Variants in ZNF804B observed in about 807,000 individuals in gnomAD.
ZNF804B encodes zinc finger protein 804B, also known as zinc finger 804B.
In ZNF804B, 80 loss-of-function variants were observed where a neutral mutation model predicts 101.4. That is an observed-to-expected ratio of 0.79 (90% CI 0.66 to 0.95). The LOEUF is 0.95. ZNF804B is among the 40% of genes least tolerant of loss of function. ZNF804B has a pLI of 0.00. For missense variants in ZNF804B, 1,673 were observed against 1,561.9 expected, an observed-to-expected ratio of 1.07 and a Z score of -1.20; for synonymous variants, 622 against 558.8, an observed-to-expected ratio of 1.11 and a Z score of -1.59.
At position 89,336,781 on chromosome 7, in the gene ZNF804B, C is replaced by A; in HGVS notation, c.3799C>A (p.Pro1267Thr). The change falls in exon 4 of 4, where the codon CCC becomes ACC. Residue 1267 changes from proline to threonine, a missense_variant. Physicochemically the swap from Pro to Thr is conservative, Grantham distance 38 (BLOSUM62 -1). Transcript: ENST00000333190. ...ACACCCCACTTTCTTAGCAGGTCAT[C>A]CCCTGCATTTAGTAGCTGCTACCCC... ...PAHPTFLAGH[P>T]LHLVAATPFH... The A allele has an allele frequency of 6.2e-7, 1 of 1,614,052 alleles. No homozygotes were observed. Among genetic ancestry groups the A allele is most frequent in the Non-Finnish European group, 8.5e-7 (1 of 1,180,008 alleles).
intron 1 of ZNF804B, among the ~76,000 whole-genome samples, chr7:89,170,540 T>A (rs933553058): frequency 4.6e-5 from 7 of 152,158 alleles, no homozygotes; most frequent in Non-Finnish European, 1.0e-4. Flanking sequence ...TAGGGAGAAG[T>A]ATTGGACAGT....
intron 1 of ZNF804B, among the ~76,000 whole-genome samples, chr7:88,958,868 T>C (rs1472182482): frequency 9.9e-5 from 15 of 151,494 alleles, no homozygotes. Flanking sequence ...ATCTAAAAAC[T>C]GGAGAGGTGG....
chr7:88,828,744 A>C (rs983463806), intron 1 of ZNF804B, among the ~76,000 whole-genome samples: 10 of 152,132 alleles, frequency 6.6e-5, no homozygotes, highest in African/African-American at 2.4e-4. Flanking sequence ...TTACAAAGTG[A>C]GACAGTTTTG....
At chr7:89,124,341 T>C (rs1346248261) in intron 1 of ZNF804B, among the ~76,000 whole-genome samples, 2 of 152,134 alleles carry the variant, frequency 1.3e-5, no homozygotes, top group African/African-American at 4.8e-5. Flanking sequence ...GAAGAGCTAA[T>C]CATGGTGATG....
chr7:89,203,642 C>T lies in ZNF804B; in HGVS notation c.109-14513C>T, dbSNP rs546489266. 6.6e-5 allele frequency among the ~76,000 whole-genome samples: 10 copies of T among 152,082 alleles called. No homozygotes were observed. The East Asian group carries it at 7.7e-4, about 12-fold the overall frequency. ...ATTTCAACAGATAGAAGCCTGGAGC[C>T]GCCAGTTTGAAATAATGGTGTGCCT... On this transcript the variant is annotated intron_variant, in intron 1 of 3. Coordinates refer to ENST00000333190, the MANE Select transcript of ZNF804B (RefSeq NM_181646.5).
At chr7:89,304,608 G>C (rs1439865420) in intron 2 of ZNF804B, among the ~76,000 whole-genome samples, 1 of 151,800 alleles carries the variant, frequency 6.6e-6, no homozygotes, top group Non-Finnish European at 1.5e-5. Flanking sequence ...AAGAGGAACT[G>C]AAGTTCAATG....
intron 1 of ZNF804B, among the ~76,000 whole-genome samples, chr7:88,884,020 G>A (rs1308506700): frequency 6.6e-6 from 1 of 151,894 alleles, no homozygotes; most frequent in African/African-American, 2.4e-5. Context: ...CTAGTTTAAT[G>A]GAGATCCTAA....
At chr7:89,097,356 T>C (rs193243211) in intron 1 of ZNF804B, among the ~76,000 whole-genome samples, 111 of 152,282 alleles carry the variant, frequency 7.3e-4, no homozygotes, top group Middle Eastern at 6.8e-3. Context: ...GATGAAGGCA[T>C]TGAAATAAAA....
intron 1 of ZNF804B, among the ~76,000 whole-genome samples, chr7:89,156,087 TC>T (rs1412874208): frequency 2.3e-3 from 219 of 95,012 alleles, no homozygotes; most frequent in African/African-American, 7.5e-3. Flanking sequence ...TTTCTCTCTT[TC>T]CTTTCTTTCT....
intron 1 of ZNF804B, among the ~76,000 whole-genome samples, chr7:88,801,313 A>G (rs910820652): frequency 1.3e-5 from 2 of 151,978 alleles, no homozygotes; most frequent in African/African-American, 4.8e-5. Flanking sequence ...GAAAAAAAAA[A>G]AAAGTAACTT....
chr7:89,224,653 A>T (rs1789054206), intron 2 of ZNF804B, among the ~76,000 whole-genome samples: 1 of 151,790 alleles, frequency 6.6e-6, no homozygotes, highest in Non-Finnish European at 1.5e-5. Flanking sequence ...TCAGTACCAT[A>T]AAATAATACT....
At chr7:89,331,093 A>G (rs566207401) in intron 3 of ZNF804B, among the ~76,000 whole-genome samples, 2 of 151,744 alleles carry the variant, frequency 1.3e-5, no homozygotes, top group East Asian at 3.9e-4. Flanking sequence ...CATACACTAG[A>G]CTTGTGGAAT....
At chr7:89,035,999 G>T in intron 1 of ZNF804B, among the ~76,000 whole-genome samples, 1 of 131,490 alleles carries the variant, frequency 7.6e-6, no homozygotes, top group Non-Finnish European at 1.6e-5. Flanking sequence ...TATATTATAT[G>T]ATATATTAAT....
intron 2 of ZNF804B, among the ~76,000 whole-genome samples, chr7:89,283,372 C>A (rs1441257750): frequency 6.6e-6 from 1 of 152,064 alleles, no homozygotes; most frequent in Non-Finnish European, 1.5e-5. Context: ...TACTTGGTAT[C>A]ACACGTATGC....
chr7:89,281,554 A>G (rs1003740427), intron 2 of ZNF804B, among the ~76,000 whole-genome samples: 3 of 152,234 alleles, frequency 2.0e-5, no homozygotes, highest in African/African-American at 7.2e-5. Context: ...TCTGCTCTAT[A>G]TGATGTTTAT....
chr7:88,839,782 C>A (rs1018687870), intron 1 of ZNF804B, among the ~76,000 whole-genome samples: 3 of 151,632 alleles, frequency 2.0e-5, no homozygotes, highest in South Asian at 2.1e-4. Flanking sequence ...TTGTGCACAT[C>A]ATTTCTTCAT....
intron 1 of ZNF804B, among the ~76,000 whole-genome samples, chr7:89,125,731 A>G (rs1407427221): frequency 6.6e-6 from 1 of 152,128 alleles, no homozygotes; most frequent in African/African-American, 2.4e-5. Flanking sequence ...ATGAGTTAAC[A>G]ACAGTAGCCT....
intron 1 of ZNF804B, among the ~76,000 whole-genome samples, chr7:89,054,478 C>A (rs989795645): frequency 6.6e-6 from 1 of 151,682 alleles, no homozygotes; most frequent in African/African-American, 2.4e-5. Flanking sequence ...AATACATTTT[C>A]TTTTAAAGAT....
At chr7:88,987,613 C>T (rs17147060) in intron 1 of ZNF804B, among the ~76,000 whole-genome samples, 103,456 of 151,764 alleles carry the variant, frequency 0.68, 35,553 homozygotes, top group Middle Eastern at 0.72. Flanking sequence ...ATTCCTTTTT[C>T]CAGTTTTTAA....
Sources: allele counts gnomAD v4.1 joint callset (sites outside exome capture counted in the v4.1 genomes callset), GRCh38; gene constraint gnomAD v4.1.1; transcripts MANE v1.5; gene names NCBI Gene and HGNC (gene_info 2026-07-23, HGNC 2026-07-21).